The following GTF2I variants were observed in gnomAD, a reference collection of about 807,000 sequenced individuals.
GTF2I encodes the protein general transcription factor II-I.
GTF2I carries 12 observed loss-of-function variants against 67.6 expected under a neutral mutation model. That is an observed-to-expected ratio of 0.18 (90% CI 0.11 to 0.29). GTF2I has a LOEUF of 0.29. Ranked by LOEUF, GTF2I falls within the 10% of genes least tolerant of loss-of-function variation. The pLI is 1.00. For missense variants in GTF2I, 271 were observed against 580.1 expected (o/e 0.47, Z 5.47); for synonymous variants, 149 against 197.0 (o/e 0.76, Z 2.04).
At chr7:74,708,574 G>C (rs1384712426) in intron 8 of GTF2I, among the ~76,000 whole-genome samples, 1 of 152,154 alleles carries the variant, frequency 6.6e-6, no homozygotes, top group African/African-American at 2.4e-5. Flanking sequence ...GGCTGAACGA[G>C]GGTACCAAGG....
intron 1 of GTF2I, among the ~76,000 whole-genome samples, chr7:74,669,210 T>A (rs1054580974): frequency 1.2e-4 from 18 of 149,720 alleles, no homozygotes; most frequent in African/African-American, 4.2e-4. Flanking sequence ...AGTTTGTATA[T>A]CCAGACTAGT....
intron 4 of GTF2I, 161 bp from the exon 5 acceptor site, chr7:74,700,086 C>T (rs1024816527): frequency 1.4e-6 from 1 of 718,588 alleles, no homozygotes; most frequent in Non-Finnish European, 2.3e-6. Context: ...TTTAGACCTT[C>T]TGCTGACATG....
chr7:74,680,079 CAAAAAAA>C (rs1225904374), intron 1 of GTF2I, among the ~76,000 whole-genome samples: 1 of 30,520 alleles, frequency 3.3e-5, no homozygotes, highest in Non-Finnish European at 5.2e-5. Flanking sequence ...GAGTCCATCT[CAAAAAAA>C]AAAAAAAAAA....
intron 1 of GTF2I, among the ~76,000 whole-genome samples, chr7:74,673,622 C>CCTCACCT (rs1554391408): frequency 6.6e-6 from 1 of 151,514 alleles, no homozygotes; most frequent in African/African-American, 2.4e-5. Flanking sequence ...CAGGTGATTG[C>CCTCACCT]CTCACCTCGC....
At chr7:74,694,679 G>T (rs1283776326) in intron 3 of GTF2I, among the ~76,000 whole-genome samples, 1 of 152,216 alleles carries the variant, frequency 6.6e-6, no homozygotes, top group Non-Finnish European at 1.5e-5. Context: ...TTCTTTAGAA[G>T]ATCTAGCTGA....
At position 74,696,951 on chromosome 7, in the gene GTF2I, C is replaced by G. The variant is rs587700758; in HGVS notation, c.239-2010C>G. Among the ~76,000 whole-genome samples the G allele has an allele frequency of 3.3e-5, 5 of 152,064 alleles. No homozygotes were observed. The East Asian group carries it at 9.7e-4, about 29-fold the overall frequency. Reference sequence around the variant, plus strand: ...TTCTGGGATTTAGAAAAGCGTTGTTCAGCAGAAAAAAGTATCATGTGAGTC... The same window carrying G: ...TTCTGGGATTTAGAAAAGCGTTGTTGAGCAGAAAAAAGTATCATGTGAGTC... On this transcript the variant is annotated intron_variant, in intron 3 of 34. Transcript: ENST00000573035.
rs1554386998 is a variant in GTF2I at position 74,662,464 on chromosome 7, C to CCTCCTTAAGTGCTGGGATTA, written c.-6+4398_-6+4417dup. The stretch of plus-strand genomic sequence containing the variant: ...ACCTCAGGTGATCCGCCTGCCTTGG[C>CCTCCTTAAGTGCTGGGATTA]CTCCTTAAGTGCTGGGATTACAGGC... On this transcript the variant is annotated intron_variant, in intron 1 of 34. Transcript: ENST00000573035. Among the ~76,000 whole-genome samples the CCTCCTTAAGTGCTGGGATTA allele has an allele frequency of 2.7e-5, 4 of 145,992 alleles. 1 individual carries two copies. The South Asian group carries it at 8.6e-4, about 31-fold the overall frequency.
chr7:74,659,252 GTCTC>G (rs1383803145), intron 1 of GTF2I, among the ~76,000 whole-genome samples: 1 of 151,696 alleles, frequency 6.6e-6, no homozygotes, highest in African/African-American at 2.4e-5. Flanking sequence ...TAGAAACAGG[GTCTC>G]TCTGTGTTGC....
intron 1 of GTF2I, among the ~76,000 whole-genome samples, chr7:74,660,682 C>A (rs1804405653): frequency 7.2e-6 from 1 of 139,558 alleles, no homozygotes; most frequent in Admixed American, 8.0e-5. Context: ...AGTGCAGTGG[C>A]GCGATCTCGG....
At chr7:74,683,442 A>G (rs1041434062) in intron 1 of GTF2I, among the ~76,000 whole-genome samples, 27 of 152,224 alleles carry the variant, frequency 1.8e-4, no homozygotes, top group Non-Finnish European at 3.2e-4. Flanking sequence ...TTAGCAAACA[A>G]AAACAGTTTG....
intron 1 of GTF2I, among the ~76,000 whole-genome samples, chr7:74,665,790 A>G (rs1804922494): frequency 6.6e-6 from 1 of 152,182 alleles, no homozygotes; most frequent in Admixed American, 6.6e-5. Flanking sequence ...AAGGGCAAGG[A>G]CTTATTCCTC....
intron 1 of GTF2I, among the ~76,000 whole-genome samples, chr7:74,661,445 C>T (rs797040139): frequency 3.7e-4 from 56 of 152,166 alleles, no homozygotes; most frequent in African/African-American, 1.3e-3. Context: ...TTTGGGAGGC[C>T]GAGGGAGGTG....
rs587715197 is a variant in GTF2I, at chr7:74,657,854, G to A, written c.-220G>A. 1.3e-5 allele frequency: 2 copies of A among 151,834 alleles called. No individual in the cohort carries two copies. The highest frequency in any genetic ancestry group is 2.9e-5 in the Non-Finnish European group (2 of 67,990). 9.4% of individuals were successfully genotyped at this position (151,834 alleles called of 1,614,324 possible). A position where few individuals can be genotyped will look rare whatever the true frequency, so the allele number is the denominator to read the frequency against. On this transcript the variant is annotated 5_prime_UTR_variant, in exon 1 of 35. Transcript: ENST00000573035. ...CTCTGTCCCCCAGTGATCGGATCAA[G>A]GCGCTGAGCGAGGCCCTGCCTGCGG...
chr7:74,664,258 C>G (rs1341899033), intron 1 of GTF2I, among the ~76,000 whole-genome samples: 2 of 152,106 alleles, frequency 1.3e-5, no homozygotes, highest in African/African-American at 4.8e-5. Context: ...CTGCTGTCTT[C>G]CTGTTTGTTT....
rs185375934 is a variant in GTF2I at position 74,700,576 on chromosome 7, G to A, written c.558-30G>A. ...TTACAATAATTTTGCGTATTCATAC[G>A]AAGTTTTGTTTTGTTTTGTTTTAAT... On this transcript the variant is annotated intron_variant, in intron 5 of 34. Coordinates refer to ENST00000573035, the MANE Select transcript of GTF2I (RefSeq NM_032999.4). 105 of 1,611,634 alleles carry A rather than the reference G, an allele frequency of 6.5e-5. 1 individual carries two copies. Among genetic ancestry groups the A allele is most frequent in the Admixed American group, 1.7e-4 (10 of 59,952 alleles).
intron 8 of GTF2I, among the ~76,000 whole-genome samples, chr7:74,706,809 A>AC (rs1790775055): frequency 1.3e-5 from 2 of 151,990 alleles, no homozygotes. Context: ...CTCCAAGGAG[A>AC]CCATTTTCAA....
intron 1 of GTF2I, among the ~76,000 whole-genome samples, chr7:74,678,212 G>A (rs1398369871): frequency 2.0e-5 from 3 of 147,262 alleles, no homozygotes; most frequent in Non-Finnish European, 4.5e-5. Context: ...GAGCTACTGA[G>A]CCCGGCTTTT....
At chr7:74,716,694 AT>A in intron 10 of GTF2I, 199 bp from the exon 11 acceptor site, 7 of 486,734 alleles carry the variant, frequency 1.4e-5, no homozygotes, top group East Asian at 3.1e-5. Flanking sequence ...TTTTCAAATA[AT>A]TTTTTTAGCT....
intron 1 of GTF2I, among the ~76,000 whole-genome samples, chr7:74,659,586 A>G (rs375448186): frequency 1.3e-5 from 2 of 151,906 alleles, no homozygotes. Context: ...ATGGCGTTTC[A>G]CCATGTTGGC....
Sources: gnomAD v4.1 joint callset for allele counts (sites outside exome capture counted in the v4.1 genomes callset) on GRCh38, gnomAD v4.1.1 for gene constraint, MANE v1.5 for transcripts, NCBI Gene and HGNC (gene_info 2026-07-23, HGNC 2026-07-21) for gene names.